CTNNA2: variants seen among roughly 807,000 people sequenced by gnomAD.
CTNNA2 encodes catenin alpha 2, also known as catenin alpha-2.
Under a neutral mutation model 101.0 loss-of-function variants are expected in CTNNA2, and 42 were observed. The ratio of observed to expected loss-of-function variants is 0.42; its 90% confidence interval spans 0.32 to 0.54. CTNNA2 has a LOEUF of 0.54. Ranked by LOEUF, CTNNA2 falls within the 20% of genes least tolerant of loss-of-function variation. CTNNA2 has a pLI of 0.14. For missense variants in CTNNA2, 871 were observed against 1,223.1 expected (o/e 0.71, Z 4.29); for synonymous variants, 450 against 456.4 (o/e 0.99, Z 0.18).
At chr2:79,808,309 C>T (rs1010505662) in intron 3 of CTNNA2, among the ~76,000 whole-genome samples, 3 of 152,124 alleles carry the variant, frequency 2.0e-5, no homozygotes, top group Non-Finnish European at 2.9e-5. Flanking sequence ...GAGGGCCTTA[C>T]ACTGTGTTGC....
intron 4 of CTNNA2, among the ~76,000 whole-genome samples, chr2:79,459,392 A>T (rs1372840950): frequency 6.6e-6 from 1 of 151,802 alleles, no homozygotes; most frequent in African/African-American, 2.4e-5. Flanking sequence ...GTAAGTAAAA[A>T]GGATTTTTTT....
intron 4 of CTNNA2, among the ~76,000 whole-genome samples, chr2:79,414,911 GC>G: frequency 6.6e-6 from 1 of 152,228 alleles, no homozygotes; most frequent in African/African-American, 2.4e-5. Flanking sequence ...TTCCCACCTG[GC>G]CCGGCCCAAG....
At chr2:79,984,777 C>CGAA (rs1691644316) in intron 7 of CTNNA2, among the ~76,000 whole-genome samples, 1 of 152,254 alleles carries the variant, frequency 6.6e-6, no homozygotes, top group East Asian at 1.9e-4. Flanking sequence ...TACCTCCTTT[C>CGAA]CCTTCACTAT....
At chr2:80,321,038 A>G (rs1263763099) in intron 7 of CTNNA2, among the ~76,000 whole-genome samples, 1 of 152,216 alleles carries the variant, frequency 6.6e-6, no homozygotes. Flanking sequence ...ACATAATCAA[A>G]TATTTACTAA....
intron 2 of CTNNA2, among the ~76,000 whole-genome samples, chr2:79,716,509 C>T (rs1448651382): frequency 2.6e-5 from 4 of 152,140 alleles, no homozygotes; most frequent in Non-Finnish European, 5.9e-5. Flanking sequence ...TGTTTGTTGT[C>T]CATGTGTTCT....
chr2:80,065,288 C>T (rs888590146), intron 7 of CTNNA2, among the ~76,000 whole-genome samples: 3 of 151,752 alleles, frequency 2.0e-5, no homozygotes, highest in Non-Finnish European at 2.9e-5. Context: ...CTGCTTTTGG[C>T]AGAAGTCGAT....
At chr2:79,980,398 A>G (rs1691176793) in intron 7 of CTNNA2, among the ~76,000 whole-genome samples, 1 of 152,170 alleles carries the variant, frequency 6.6e-6, no homozygotes, top group African/African-American at 2.4e-5. Flanking sequence ...GACATTGATT[A>G]GTACTGGTAA....
intron 7 of CTNNA2, among the ~76,000 whole-genome samples, chr2:80,253,967 G>T (rs1671952507): frequency 6.6e-6 from 1 of 152,108 alleles, no homozygotes; most frequent in Non-Finnish European, 1.5e-5. Context: ...TCTGGGGTAA[G>T]ATCATAGAGA....
intron 4 of CTNNA2, among the ~76,000 whole-genome samples, chr2:79,416,821 T>C (rs1678488815): frequency 1.3e-5 from 2 of 152,188 alleles, no homozygotes; most frequent in South Asian, 2.1e-4. Flanking sequence ...AATTCCTCTT[T>C]ATCCCACAGA....
At chr2:80,061,889 C>CAT (rs761686492) in intron 7 of CTNNA2, among the ~76,000 whole-genome samples, 2 of 152,024 alleles carry the variant, frequency 1.3e-5, no homozygotes, top group Admixed American at 6.6e-5. Flanking sequence ...AGGCTAAAAG[C>CAT]ATAAAGAATT....
intron 4 of CTNNA2, among the ~76,000 whole-genome samples, chr2:79,450,076 ACT>A (rs533392550): frequency 6.6e-5 from 10 of 151,982 alleles, no homozygotes; most frequent in African/African-American, 1.9e-4. Context: ...TTAGTGTGAC[ACT>A]CTATGGATTC....
chr2:79,740,726 A>G (rs908477095), intron 2 of CTNNA2, among the ~76,000 whole-genome samples: 1 of 152,208 alleles, frequency 6.6e-6, no homozygotes, highest in African/African-American at 2.4e-5. Flanking sequence ...TGTTAGAAAG[A>G]AAAGCAAGAG....
At chr2:80,612,117 A>G (rs1395972325) in intron 17 of CTNNA2, among the ~76,000 whole-genome samples, 1 of 151,538 alleles carries the variant, frequency 6.6e-6, no homozygotes, top group African/African-American at 2.4e-5. Context: ...TGCCATTTAA[A>G]TATCTCTTTT....
intron 1 of CTNNA2, chr2:79,574,313 C>T (rs1387490387): frequency 6.6e-6 from 1 of 152,116 alleles, no homozygotes; most frequent in Non-Finnish European, 1.5e-5. Context: ...ATTATTTCAT[C>T]ACCCGTAATA....
At chr2:79,280,646 T>TGTGTGTGTGG (rs1553390791) in intron 2 of CTNNA2, among the ~76,000 whole-genome samples, 4 of 136,024 alleles carry the variant, frequency 2.9e-5, no homozygotes, top group African/African-American at 1.2e-4. Context: ...TGTGTGTGTG[T>TGTGTGTGTGG]GTGTGTGTGT....
At chr2:80,540,218 A>C (rs560728657) in intron 9 of CTNNA2, among the ~76,000 whole-genome samples, 1 of 152,246 alleles carries the variant, frequency 6.6e-6, no homozygotes, top group Admixed American at 6.5e-5. Context: ...AGAAAATATT[A>C]GCTTTGAAAA....
intron 2 of CTNNA2, among the ~76,000 whole-genome samples, chr2:79,293,783 A>G (rs1340200916): frequency 6.6e-6 from 1 of 152,168 alleles, no homozygotes; most frequent in Non-Finnish European, 1.5e-5. Flanking sequence ...GGGTAAACAG[A>G]AAATAAAATA....
chr2:79,983,266 C>G (rs753355468), intron 7 of CTNNA2, among the ~76,000 whole-genome samples: 5 of 150,890 alleles, frequency 3.3e-5, no homozygotes, highest in African/African-American at 1.2e-4. Context: ...ACATTATATA[C>G]ATTTTTATAC....
intron 2 of CTNNA2, among the ~76,000 whole-genome samples, chr2:79,218,336 TGTGTGTGTGTGTGTA>T (rs1674294579): frequency 1.2e-5 from 1 of 81,736 alleles, no homozygotes; most frequent in Admixed American, 1.2e-4. Flanking sequence ...TGTGTGTGTG[TGTGTGTGTGTGTGTA>T]TTTTTTTTTT....
Sources: allele counts gnomAD v4.1 joint callset (sites outside exome capture counted in the v4.1 genomes callset), GRCh38; gene constraint gnomAD v4.1.1; transcripts MANE v1.5; gene names NCBI Gene and HGNC (gene_info 2026-07-23, HGNC 2026-07-21).